The following MYZAP variants were observed in gnomAD, a reference collection of about 807,000 sequenced individuals.
The protein encoded by MYZAP is GRINL1A complex locus upstream.
In MYZAP, 66 loss-of-function variants were observed where a neutral mutation model predicts 69.4. The ratio of observed to expected loss-of-function variants is 0.95; its 90% CI spans 0.78 to 1.17. The LOEUF (loss-of-function observed/expected upper bound fraction) is 1.17, where lower values mean the gene tolerates loss of function less well. Among genes scored for constraint, MYZAP ranks in the 50% most tolerant of loss-of-function variants. The pLI, the probability that MYZAP is intolerant of heterozygous loss-of-function variation, is 0.00. For synonymous variants in MYZAP, 256 were observed against 205.9 expected (o/e 1.24, Z -2.09); for missense variants, 611 against 556.2 (o/e 1.10, Z -0.99).
At chr15:57,632,276 C>T (rs143889398) in intron 6 of MYZAP, among the ~76,000 whole-genome samples, 158 bp from the exon 7 acceptor site, 2 of 152,208 alleles carry the variant, frequency 1.3e-5, no homozygotes, top group Admixed American at 6.5e-5. Context: ...CACCCCTCTT[C>T]CTCCCTTTCC....
chr15:57,642,425 C>G (rs1051968519), intron 10 of MYZAP, among the ~76,000 whole-genome samples: 5 of 152,192 alleles, frequency 3.3e-5, no homozygotes, highest in African/African-American at 1.2e-4. Flanking sequence ...GAATCTTGAA[C>G]TCTGACTCTA....
intron 12 of MYZAP, among the ~76,000 whole-genome samples, chr15:57,684,180 A>G (rs2039578419): frequency 1.3e-5 from 2 of 152,218 alleles, no homozygotes; most frequent in South Asian, 4.1e-4. Flanking sequence ...CCACCTCCTA[A>G]TACATCACCT....
At chr15:57,642,747 C>G (rs1375440402) in intron 10 of MYZAP, among the ~76,000 whole-genome samples, 1 of 152,082 alleles carries the variant, frequency 6.6e-6, no homozygotes, top group African/African-American at 2.4e-5. Context: ...TTCTTCTCAC[C>G]TTAGTGGAGT....
intron 6 of MYZAP, among the ~76,000 whole-genome samples, chr15:57,630,316 G>C (rs930713440): frequency 1.3e-5 from 2 of 152,064 alleles, no homozygotes; most frequent in South Asian, 4.1e-4. Flanking sequence ...GCCTTTCTTG[G>C]CCTCCAGTCC....
chr15:57,625,055 CT>C lies in MYZAP; in HGVS notation c.412-709del, dbSNP rs537378113. Among the ~76,000 whole-genome samples the C allele has an allele frequency of 8.3e-3, 1,192 of 142,950 alleles. 2 individuals carry two copies. Among genetic ancestry groups the C allele is most frequent in the Middle Eastern group, 0.032 (9 of 280 alleles). The allele number at this position is 142,950 out of a possible 152,430, so 93.8% of individuals were successfully genotyped here. On this transcript the variant is annotated intron_variant, in intron 4 of 12. Coordinates refer to ENST00000267853, the MANE Select transcript of MYZAP (RefSeq NM_001018100.5). ...CAACAACAGCAGCAACAAAACAACT[CT>C]TTTTTTTTTTTTTTAAATGAGACGG...
intron 10 of MYZAP, chr15:57,648,502 C>T: frequency 1.0e-6 from 1 of 983,732 alleles, no homozygotes; most frequent in Non-Finnish European, 1.2e-6. Flanking sequence ...ATTCCCATGT[C>T]AATCATCTCT....
In MYZAP at chr15:57,629,815, G is replaced by T. The variant is rs544553369; in HGVS notation, c.639G>T (p.Leu213Phe). Residue 213 changes from leucine (L) to phenylalanine (F), a missense_variant, in exon 6 of 13, where the codon TTG becomes TTT. By Grantham distance (22) the Leu-to-Phe change is conservative. Transcript: ENST00000267853. Reference protein sequence around the residue: ...MDKLREKQRQLEVAQVENQLL... With the variant: ...MDKLREKQRQFEVAQVENQLL... ...AGCTGAGGGAAAAGCAGAGGCAGTTGGAGGTAGCGCAAGTTGAAAACCAGC... is the reference window on the plus strand; with the variant it reads ...AGCTGAGGGAAAAGCAGAGGCAGTTTGAGGTAGCGCAAGTTGAAAACCAGC... The T allele has an allele frequency of 6.2e-7, 1 of 1,613,974 alleles. No homozygotes were observed. Among genetic ancestry groups the T allele is most frequent in the South Asian group, 1.1e-5 (1 of 91,044 alleles).
At chr15:57,610,205 T>G (rs1321846048) in intron 2 of MYZAP, among the ~76,000 whole-genome samples, 1 of 152,238 alleles carries the variant, frequency 6.6e-6, no homozygotes, top group Non-Finnish European at 1.5e-5. Context: ...TCTTTGAGAA[T>G]GCTGAGTGAG....
intron 10 of MYZAP, among the ~76,000 whole-genome samples, chr15:57,650,388 T>G (rs1368814914): frequency 6.6e-6 from 1 of 152,174 alleles, no homozygotes; most frequent in Non-Finnish European, 1.5e-5. Context: ...AAAATGGACA[T>G]GAGTTCCTGC....
intron 11 of MYZAP, among the ~76,000 whole-genome samples, chr15:57,670,028 T>C (rs959632812): frequency 6.6e-6 from 1 of 152,162 alleles, no homozygotes; most frequent in Admixed American, 6.5e-5. Flanking sequence ...TTATTGGGAC[T>C]TATTTTATGG....
chr15:57,616,851 A>C (rs1439876451), intron 2 of MYZAP, among the ~76,000 whole-genome samples: 1 of 44,576 alleles, frequency 2.2e-5, no homozygotes, highest in Non-Finnish European at 3.6e-5. Context: ...TTTTTTTGTG[A>C]ATACATGGCA....
At chr15:57,628,530 G>A (rs1328786705) in intron 5 of MYZAP, among the ~76,000 whole-genome samples, 6 of 152,086 alleles carry the variant, frequency 3.9e-5, no homozygotes, top group Non-Finnish European at 5.9e-5. Flanking sequence ...TGGGATTACA[G>A]TCATGAGCCA....
At position 57,669,650 on chromosome 15, in the gene MYZAP, G is replaced by A. The variant is rs148378113; in HGVS notation, c.1204-5318G>A. ...TTTCTATTTTATTGACTTTTGCCCT[G>A]ATGTTCATTACTTCCTTCCTTCTAA... On this transcript the variant is annotated intron_variant, in intron 11 of 12. Transcript: ENST00000267853. Among the ~76,000 whole-genome samples, 1,079 of 152,106 alleles carry A rather than the reference G, an allele frequency of 7.1e-3. 16 individuals carry two copies. Among genetic ancestry groups the A allele is most frequent in the African/African-American group, 0.025 (1,035 of 41,506 alleles).
intron 10 of MYZAP, 83 bp downstream of exon 10, chr15:57,639,628 C>A: frequency 6.7e-7 from 1 of 1,489,142 alleles, no homozygotes; most frequent in Non-Finnish European, 9.1e-7. Flanking sequence ...CCTTGCCCCT[C>A]CATTTCCTGT....
At chr15:57,621,822 T>G (rs1156949884) in intron 4 of MYZAP, 122 bp downstream of exon 4, 3 of 844,742 alleles carry the variant, frequency 3.6e-6, no homozygotes, top group Non-Finnish European at 3.3e-6. Context: ...AATTACATTT[T>G]AAATAAACTG....
intron 1 of MYZAP, among the ~76,000 whole-genome samples, chr15:57,600,456 ATTGCTCAGTGT>A (rs2034338056): frequency 6.6e-6 from 1 of 152,180 alleles, no homozygotes; most frequent in Admixed American, 6.5e-5. Context: ...ACCTCAGGGT[ATTGCTCAGTGT>A]GAGAGCTTCA....
chr15:57,661,928 A>G lies in MYZAP; in HGVS notation c.1203+395A>G, dbSNP rs144389586. ...GCAAGACTAAGATTATTATCTCTGTATTAATACATGAGAAAACAGAGGCAC... is the reference window on the plus strand; with the variant it reads ...GCAAGACTAAGATTATTATCTCTGTGTTAATACATGAGAAAACAGAGGCAC... On this transcript the variant is annotated intron_variant, in intron 11 of 12. Coordinates refer to ENST00000267853, the MANE Select transcript of MYZAP (RefSeq NM_001018100.5). Among the ~76,000 whole-genome samples, 66 of 152,298 alleles carry G rather than the reference A, an allele frequency of 4.3e-4. 1 individual carries two copies. In the East Asian group the frequency reaches 8.3e-3, roughly 19 times the overall value.
chr15:57,634,767 T>C (rs531518182), intron 8 of MYZAP, among the ~76,000 whole-genome samples: 5 of 152,196 alleles, frequency 3.3e-5, no homozygotes, highest in Non-Finnish European at 5.9e-5. Context: ...TTGGGCAAAC[T>C]AAAGAGTCAA....
intron 12 of MYZAP, 74 bp from the exon 13 acceptor site, chr15:57,684,328 T>G (rs1453481749): frequency 2.2e-6 from 2 of 902,712 alleles, no homozygotes; most frequent in African/African-American, 3.3e-5. Flanking sequence ...TTTCTAGAGT[T>G]GTCTTACCAT....
Sources: gnomAD v4.1 joint callset for allele counts (sites outside exome capture counted in the v4.1 genomes callset) on GRCh38, gnomAD v4.1.1 for gene constraint, MANE v1.5 for transcripts, NCBI Gene and HGNC (gene_info 2026-07-23, HGNC 2026-07-21) for gene names.